The following RNF220 variants were observed in gnomAD, a reference collection of about 807,000 sequenced individuals.
RNF220 encodes ring finger protein 220, also known as E3 ubiquitin-protein ligase RNF220.
A neutral mutation model predicts 67.1 loss-of-function variants in RNF220; 7 were observed. The observed-to-expected ratio is 0.10, with a 90% CI of 0.06 to 0.20. RNF220 has a LOEUF of 0.20. Among genes scored for constraint, RNF220 ranks in the 10% least tolerant of loss-of-function variants. The pLI, the probability that RNF220 is intolerant of heterozygous loss-of-function variation, is 1.00. For missense variants in RNF220, 565 were observed against 740.3 expected (o/e 0.76, Z 2.75); for synonymous variants, 270 against 283.2 (o/e 0.95, Z 0.47).
intron 2 of RNF220, among the ~76,000 whole-genome samples, chr1:44,567,651 C>A (rs1664124086): frequency 1.3e-5 from 2 of 152,100 alleles, no homozygotes; most frequent in African/African-American, 2.4e-5. Context: ...AAGAGAGATT[C>A]TGAGGTGGCC....
chr1:44,608,914 T>C (rs533998095), intron 2 of RNF220, among the ~76,000 whole-genome samples: 7 of 152,242 alleles, frequency 4.6e-5, no homozygotes, highest in African/African-American at 1.7e-4. Context: ...ACTTTGCTAG[T>C]GTGTTACTGG....
chr1:44,563,166 A>G (rs1284254441), intron 2 of RNF220, among the ~76,000 whole-genome samples: 1 of 152,172 alleles, frequency 6.6e-6, no homozygotes, highest in African/African-American at 2.4e-5. Context: ...GCCTTGTTGA[A>G]TGAGGATTTG....
In RNF220 at chr1:44,420,132, G is replaced by A. The variant is rs116284343; in HGVS notation, c.625+7410G>A. On this transcript the variant is annotated intron_variant, in intron 2 of 14. Coordinates refer to ENST00000361799, the MANE Select transcript of RNF220 (RefSeq NM_018150.4). The stretch of plus-strand genomic sequence containing the variant: ...GCTGTCAGTTTTCTCTGTGGAATGC[G>A]TTCTGGTTTAAGATGACCTAGAAGA... 3.6e-3 allele frequency among the ~76,000 whole-genome samples: 548 copies of A among 152,322 alleles called. 4 individuals are homozygous for A. Among genetic ancestry groups the A allele is most frequent in the African/African-American group, 0.012 (514 of 41,576 alleles).
chr1:44,618,066 G>A (rs756822067), intron 3 of RNF220, among the ~76,000 whole-genome samples: 13 of 152,116 alleles, frequency 8.5e-5, no homozygotes, highest in Non-Finnish European at 1.6e-4. Flanking sequence ...ACCTGGACAC[G>A]TCCCCCCTCC....
intron 2 of RNF220, among the ~76,000 whole-genome samples, chr1:44,528,563 G>C (rs1365516814): frequency 6.6e-6 from 1 of 150,612 alleles, no homozygotes; most frequent in Non-Finnish European, 1.5e-5. Flanking sequence ...GCCTCCCAAA[G>C]TGCTGGGATT....
intron 2 of RNF220, among the ~76,000 whole-genome samples, chr1:44,466,882 A>T (rs1654319890): frequency 6.6e-6 from 1 of 152,262 alleles, no homozygotes; most frequent in South Asian, 2.1e-4. Flanking sequence ...GATATTTGGA[A>T]TGGCAAATGA....
At chr1:44,557,661 T>G (rs1393371889) in intron 2 of RNF220, among the ~76,000 whole-genome samples, 2 of 152,236 alleles carry the variant, frequency 1.3e-5, no homozygotes, top group Non-Finnish European at 2.9e-5. Flanking sequence ...TCATTTATGT[T>G]TTCTGCTAGA....
chr1:44,539,050 G>A (rs1049340929), intron 2 of RNF220, among the ~76,000 whole-genome samples: 3 of 151,088 alleles, frequency 2.0e-5, no homozygotes, highest in Non-Finnish European at 2.9e-5. Flanking sequence ...GCGAAACCCC[G>A]TCTCTACTAA....
chr1:44,424,342 T>C (rs1404987763), intron 2 of RNF220, among the ~76,000 whole-genome samples: 1 of 152,112 alleles, frequency 6.6e-6, no homozygotes, highest in Non-Finnish European at 1.5e-5. Context: ...TGAAGAATGT[T>C]ATTTATAATG....
chr1:44,448,037 G>A (rs991460242), intron 2 of RNF220, among the ~76,000 whole-genome samples: 1 of 146,202 alleles, frequency 6.8e-6, no homozygotes, highest in Non-Finnish European at 1.6e-5. Flanking sequence ...GCAGTGTCAC[G>A]CCTGTAATCC....
chr1:44,415,918 C>T (rs1343043865), intron 2 of RNF220, among the ~76,000 whole-genome samples: 2 of 152,216 alleles, frequency 1.3e-5, no homozygotes, highest in Non-Finnish European at 2.9e-5. Flanking sequence ...GTGTAATGCA[C>T]ACATGTTCTT....
intron 2 of RNF220, among the ~76,000 whole-genome samples, chr1:44,609,581 C>T (rs990844623): frequency 1.3e-5 from 2 of 152,194 alleles, no homozygotes; most frequent in African/African-American, 4.8e-5. Context: ...CAGGTTGTGC[C>T]GGCACTTGAG....
intron 2 of RNF220, among the ~76,000 whole-genome samples, chr1:44,434,696 G>C (rs1650769806): frequency 6.9e-6 from 1 of 145,364 alleles, no homozygotes; most frequent in African/African-American, 2.5e-5. Flanking sequence ...CAGCCTGGGC[G>C]ACAGAGCGAG....
chr1:44,502,769 A>T (rs1658042816), intron 2 of RNF220, among the ~76,000 whole-genome samples: 1 of 151,914 alleles, frequency 6.6e-6, no homozygotes, highest in Non-Finnish European at 1.5e-5. Flanking sequence ...TATTATTATT[A>T]AATTATTATT....
chr1:44,436,180 T>A (rs1275116689), intron 2 of RNF220, among the ~76,000 whole-genome samples: 1 of 151,996 alleles, frequency 6.6e-6, no homozygotes. Flanking sequence ...GTTAAATGCC[T>A]CGATTAAGGA....
intron 2 of RNF220, among the ~76,000 whole-genome samples, chr1:44,494,205 C>A (rs369468971): frequency 4.3e-3 from 532 of 122,308 alleles, no homozygotes; most frequent in Admixed American, 5.4e-3. Flanking sequence ...GAAACTCTGT[C>A]AAAAAAAAAA....
intron 2 of RNF220, among the ~76,000 whole-genome samples, chr1:44,597,732 C>A (rs962676056): frequency 6.6e-6 from 1 of 151,974 alleles, no homozygotes; most frequent in Non-Finnish European, 1.5e-5. Context: ...CACATATTCA[C>A]CCCTCTCTCA....
intron 2 of RNF220, among the ~76,000 whole-genome samples, chr1:44,541,101 A>G (rs2148221854): frequency 6.6e-6 from 1 of 152,282 alleles, no homozygotes. Flanking sequence ...ACGAAACTGA[A>G]CCTCAGAAAA....
intron 2 of RNF220, among the ~76,000 whole-genome samples, chr1:44,559,324 G>A (rs997272349): frequency 1.3e-5 from 2 of 152,228 alleles, no homozygotes; most frequent in Non-Finnish European, 1.5e-5. Context: ...AGCAGGGCAG[G>A]TGCTGACAGG....
Sources: allele counts gnomAD v4.1 joint callset (sites outside exome capture counted in the v4.1 genomes callset), GRCh38; gene constraint gnomAD v4.1.1; transcripts MANE v1.5; gene names NCBI Gene and HGNC (gene_info 2026-07-23, HGNC 2026-07-21).